TMEM63C: variants seen among roughly 807,000 people sequenced by gnomAD.
TMEM63C encodes the protein osmosensitive cation channel TMEM63C.
TMEM63C carries 32 observed loss-of-function variants against 99.2 expected under a neutral mutation model. That is an observed-to-expected ratio of 0.32 (90% CI 0.24 to 0.43). The LOEUF (loss-of-function observed/expected upper bound fraction) is 0.43. TMEM63C is among the 20% of genes least tolerant of loss of function. The probability of loss-of-function intolerance (pLI) is 1.00; values close to 1 mark genes in which losing one functional copy is unlikely to be tolerated. For synonymous variants in TMEM63C, 376 were observed against 397.9 expected, an observed-to-expected ratio of 0.94 and a Z score of 0.66; for missense variants, 826 against 1,053.0, an observed-to-expected ratio of 0.78 and a Z score of 2.98.
intron 6 of TMEM63C, among the ~76,000 whole-genome samples, chr14:77,229,849 G>C (rs1289304570): frequency 6.6e-6 from 1 of 151,884 alleles, no homozygotes; most frequent in Non-Finnish European, 1.5e-5. Flanking sequence ...AGCACTTGTT[G>C]CTTTTAAATT....
At chr14:77,211,075 C>T (rs11845440) in intron 1 of TMEM63C, among the ~76,000 whole-genome samples, 2,450 of 152,290 alleles carry the variant, frequency 0.016, 66 homozygotes, top group African/African-American at 0.056. Flanking sequence ...GCAGATCCAG[C>T]CTGGGTTCCT....
At chr14:77,245,326 C>T (rs1453689866) in intron 16 of TMEM63C, among the ~76,000 whole-genome samples, 2 of 152,194 alleles carry the variant, frequency 1.3e-5, no homozygotes, top group Admixed American at 1.3e-4. Context: ...CAGCACAGCT[C>T]ACAGTGGTGT....
chr14:77,205,111 A>C (rs1301748385), intron 1 of TMEM63C, among the ~76,000 whole-genome samples: 3 of 152,218 alleles, frequency 2.0e-5, no homozygotes, highest in Non-Finnish European at 2.9e-5. Context: ...GCATATGCAA[A>C]GGCCCTGTGG....
intron 6 of TMEM63C, among the ~76,000 whole-genome samples, chr14:77,226,849 C>A (rs941268785): frequency 6.6e-5 from 10 of 151,340 alleles, no homozygotes; most frequent in African/African-American, 1.7e-4. Context: ...CTCACTGCAA[C>A]CTCCGCCTCC....
At chr14:77,191,538 C>CA in intron 1 of TMEM63C, among the ~76,000 whole-genome samples, 1 of 82,608 alleles carries the variant, frequency 1.2e-5, no homozygotes. Flanking sequence ...TTTTCTTTTT[C>CA]TTTTTTTTTT....
At chr14:77,233,800 G>A (rs1425394756) in intron 8 of TMEM63C, among the ~76,000 whole-genome samples, 2 of 152,242 alleles carry the variant, frequency 1.3e-5, no homozygotes, top group Non-Finnish European at 2.9e-5. Flanking sequence ...CCAAGAGGCA[G>A]AGACCATGTG....
intron 1 of TMEM63C, among the ~76,000 whole-genome samples, chr14:77,182,831 GAAT>G (rs1381298141): frequency 6.6e-6 from 1 of 152,170 alleles, no homozygotes; most frequent in Non-Finnish European, 1.5e-5. Flanking sequence ...TTCAAGGAAA[GAAT>G]GAGAGTTGGC....
rs1889263107 is a variant in TMEM63C, at chr14:77,245,966, A to G, written c.1475A>G (p.His492Arg). ...TCAAGTCAGAATCTGGTCATGGTGC[A>G]CAAGTGCTACATCTTTCTGGTGTTC... ...TRSSQNLVMV[H>R]KCYIFLVFMV... Residue 492 changes from histidine to arginine, a missense_variant, in exon 17 of 24, where the codon CAC becomes CGC. His to Arg is a conservative substitution (Grantham distance 29). Coordinates refer to ENST00000298351, the MANE Select transcript of TMEM63C (RefSeq NM_020431.4). The G allele has an allele frequency of 6.2e-7, 1 of 1,613,858 alleles. No homozygotes were observed. Among genetic ancestry groups the G allele is most frequent in the South Asian group, 1.1e-5 (1 of 91,080 alleles).
intron 1 of TMEM63C, among the ~76,000 whole-genome samples, chr14:77,211,372 G>A (rs1476289718): frequency 1.3e-5 from 2 of 152,258 alleles, no homozygotes; most frequent in South Asian, 2.1e-4. Flanking sequence ...TTGCATTTAG[G>A]GATGGTTCTC....
At chr14:77,231,997 G>A (rs189465977) in intron 7 of TMEM63C, among the ~76,000 whole-genome samples, 4 of 152,282 alleles carry the variant, frequency 2.6e-5, no homozygotes, top group African/African-American at 7.2e-5. Context: ...TTCATTCATG[G>A]CCCCACTCTG....
chr14:77,213,447 A>C lies in TMEM63C; in HGVS notation c.-75A>C, dbSNP rs936971186. The C allele has an allele frequency of 1.3e-5, 2 of 152,202 alleles. No homozygotes were observed. The highest frequency in any genetic ancestry group is 4.8e-5 in the African/African-American group (2 of 41,452). 9.4% of individuals were successfully genotyped at this position (152,202 alleles called of 1,614,324 possible). ...TCCACCGCGTGTGTTCTTTTGCAGC[A>C]GCCCCGTAGCTGGGTGGAGCCTCCG... On this transcript the variant is annotated splice_region_variant and 5_prime_UTR_variant, in exon 2 of 24. Coordinates refer to ENST00000298351, the MANE Select transcript of TMEM63C (RefSeq NM_020431.4).
intron 22 of TMEM63C, 133 bp downstream of exon 22, chr14:77,252,031 C>A: frequency 1.3e-6 from 1 of 777,534 alleles, no homozygotes; most frequent in Non-Finnish European, 2.2e-6. Flanking sequence ...GACTGTAGAG[C>A]GTGGAGCCCA....
intron 14 of TMEM63C, 59 bp downstream of exon 14, chr14:77,242,528 C>T (rs1566629761): frequency 6.3e-7 from 1 of 1,587,586 alleles, no homozygotes; most frequent in Non-Finnish European, 8.6e-7. Flanking sequence ...AAGAAGGCAG[C>T]AGGACAGGGC....
intron 2 of TMEM63C, among the ~76,000 whole-genome samples, chr14:77,215,938 G>A (rs1395487594): frequency 6.6e-6 from 1 of 152,158 alleles, no homozygotes; most frequent in Non-Finnish European, 1.5e-5. Flanking sequence ...TTGCCCACTG[G>A]CTCCAATTCC....
rs749819407 is a variant in TMEM63C, at chr14:77,243,045, G to A, written c.1330G>A (p.Glu444Lys). The A allele has an allele frequency of 2.9e-5, 47 of 1,613,590 alleles. No individual in the cohort carries two copies. The highest frequency in any genetic ancestry group is 4.4e-5 in the South Asian group (4 of 91,062). The change falls in exon 15 of 24, where the codon GAG (glutamate) becomes AAG (lysine). Residue 444 changes from glutamate (E) to lysine (K), a missense_variant. Coordinates refer to ENST00000298351, the MANE Select transcript of TMEM63C (RefSeq NM_020431.4). Reference protein sequence around the residue: ...IDMYNVTRPIEKLQNPIVTQF... With the variant: ...IDMYNVTRPIKKLQNPIVTQF... ...CATGTACAACGTCACCCGCCCCATCGAGAAGCTGCAGGTGCCTCCTCTGCT... is the reference window on the plus strand; with the variant it reads ...CATGTACAACGTCACCCGCCCCATCAAGAAGCTGCAGGTGCCTCCTCTGCT...
At chr14:77,193,150 C>T (rs1335256105) in intron 1 of TMEM63C, among the ~76,000 whole-genome samples, 3 of 152,228 alleles carry the variant, frequency 2.0e-5, no homozygotes, top group Non-Finnish European at 2.9e-5. Flanking sequence ...AAAGGCCATT[C>T]AGTCAATAAA....
At position 77,253,392 on chromosome 14, in the gene TMEM63C, C is replaced by T. The variant is rs1027094286; in HGVS notation, c.2220+16C>T. On this transcript the variant is annotated intron_variant, in intron 23 of 23. Transcript: ENST00000298351. ...CACCTCCCTCGTGAGTCCTGAGTCC[C>T]AGGGACAGGTTGGGAGGGTGGTGCT... The T allele has an allele frequency of 9.4e-6, 15 of 1,602,946 alleles. No homozygotes were observed. The highest frequency in any genetic ancestry group is 1.3e-5 in the African/African-American group (1 of 74,798).
Position 77,232,434 on chromosome 14 carries a change from C to T in TMEM63C, c.493+704C>T, listed in dbSNP as rs150970486. On this transcript the variant is annotated intron_variant, in intron 7 of 23. Transcript: ENST00000298351. ...TCCTGAGTAGCTGGGATTACAGGCA[C>T]CCGCCTCCACACCCGGCTAATTTTT... Among the ~76,000 whole-genome samples, 529 of 152,162 alleles carry T rather than the reference C, an allele frequency of 3.5e-3. 13 individuals are homozygous for T. In the East Asian group the frequency reaches 0.063, roughly 18 times the overall value.
intron 1 of TMEM63C, among the ~76,000 whole-genome samples, chr14:77,187,942 T>G (rs1370745449): frequency 3.3e-5 from 5 of 152,202 alleles, no homozygotes; most frequent in South Asian, 2.1e-4. Flanking sequence ...TATTTGTGTG[T>G]GGGGCGGGGG....
Sources: gnomAD v4.1 joint callset for allele counts (sites outside exome capture counted in the v4.1 genomes callset) on GRCh38, gnomAD v4.1.1 for gene constraint, MANE v1.5 for transcripts, NCBI Gene and HGNC (gene_info 2026-07-23, HGNC 2026-07-21) for gene names.